Variants in TUNAR observed in about 807,000 individuals in gnomAD.
TUNAR encodes protein TUNAR.
chr14:95,908,413 C>G (rs1033960953), intron 2 of TUNAR, among the ~76,000 whole-genome samples: 11 of 152,200 alleles, frequency 7.2e-5, no homozygotes, highest in Admixed American at 6.5e-4. Context: ...TCTTTCTCAC[C>G]AGGCAACGAT....
intron 2 of TUNAR, among the ~76,000 whole-genome samples, chr14:95,878,167 AACTTCTGAGCCCCAAAC>A (rs1377284833): frequency 2.0e-5 from 3 of 152,240 alleles, no homozygotes; most frequent in African/African-American, 4.8e-5. Context: ...GTGTCAGCAG[AACTTCTGAGCCCCAAAC>A]ACTTCTGAGC....
intron 2 of TUNAR, among the ~76,000 whole-genome samples, chr14:95,914,022 T>C (rs1357088309): frequency 6.6e-6 from 1 of 152,262 alleles, no homozygotes; most frequent in African/African-American, 2.4e-5. Context: ...TGAGCCACCG[T>C]GCCCAGCCCC....
intron 2 of TUNAR, among the ~76,000 whole-genome samples, chr14:95,917,290 T>A (rs1352262442): frequency 6.6e-6 from 1 of 152,250 alleles, no homozygotes; most frequent in Non-Finnish European, 1.5e-5. Context: ...ATTCCAACAC[T>A]GCTCATCAAA....
intron 2 of TUNAR, among the ~76,000 whole-genome samples, chr14:95,920,723 G>T (rs1889684707): frequency 6.6e-6 from 1 of 152,196 alleles, no homozygotes; most frequent in African/African-American, 2.4e-5. Flanking sequence ...TGCACAGGGG[G>T]AGGGCATGCA....
At chr14:95,907,518 CTG>C (rs1482000262) in intron 2 of TUNAR, among the ~76,000 whole-genome samples, 2 of 152,182 alleles carry the variant, frequency 1.3e-5, no homozygotes. Flanking sequence ...CCAGAAATCT[CTG>C]TGGCCAGTGG....
chr14:95,915,950 T>G (rs899061786), intron 2 of TUNAR, among the ~76,000 whole-genome samples: 2 of 152,212 alleles, frequency 1.3e-5, no homozygotes, highest in Non-Finnish European at 2.9e-5. Context: ...GCGGGGCTTC[T>G]TTTGGCATTC....
At chr14:95,900,633 C>T (rs1889338040) in intron 2 of TUNAR, among the ~76,000 whole-genome samples, 1 of 152,206 alleles carries the variant, frequency 6.6e-6, no homozygotes, top group Non-Finnish European at 1.5e-5. Flanking sequence ...CCAGCCAGGG[C>T]AGGAGGTGGG....
Position 95,913,506 on chromosome 14 carries a change from C to T in TUNAR, c.13-9275C>T, listed in dbSNP as rs1201684026. 7.2e-5 allele frequency among the ~76,000 whole-genome samples: 11 copies of T among 152,278 alleles called. No individual in the cohort carries two copies. The East Asian group carries it at 7.7e-4, about 11-fold the overall frequency. On this transcript the variant is annotated intron_variant, in intron 2 of 2. Coordinates refer to ENST00000678517, the Ensembl canonical transcript of TUNAR. The stretch of plus-strand genomic sequence containing the variant: ...AATGCATCAGTGAGTTGTAATCACA[C>T]GAATTTTTCATTCCGCAATTTACTA...
At chr14:95,908,938 G>A (rs148298338) in intron 2 of TUNAR, among the ~76,000 whole-genome samples, 1,595 of 152,270 alleles carry the variant, frequency 0.01, 30 homozygotes, top group African/African-American at 0.036. Flanking sequence ...AGTGGAAGTG[G>A]CAGGTAGGCG....
At chr14:95,898,097 G>A (rs1202795340) in intron 2 of TUNAR, among the ~76,000 whole-genome samples, 1 of 152,112 alleles carries the variant, frequency 6.6e-6, no homozygotes, top group Admixed American at 6.5e-5. Flanking sequence ...GTTTGCTTAA[G>A]TTACCTCCTA....
chr14:95,918,771 C>T (rs1003376633), intron 2 of TUNAR, among the ~76,000 whole-genome samples: 6 of 152,170 alleles, frequency 3.9e-5, no homozygotes, highest in Admixed American at 1.3e-4. Flanking sequence ...CCATGACAGG[C>T]GCTTTGTTTT....
At chr14:95,904,661 C>T (rs568656971) in intron 2 of TUNAR, among the ~76,000 whole-genome samples, 9 of 152,312 alleles carry the variant, frequency 5.9e-5, no homozygotes, top group African/African-American at 2.2e-4. Flanking sequence ...CTGTGGTTCC[C>T]AGAACCCAGG....
chr14:95,921,823 T>A (rs1889702171), intron 2 of TUNAR, among the ~76,000 whole-genome samples: 1 of 152,234 alleles, frequency 6.6e-6, no homozygotes. Flanking sequence ...CCTTTATAAA[T>A]CAAATTGTAC....
intron 2 of TUNAR, among the ~76,000 whole-genome samples, chr14:95,897,906 T>C (rs1889290551): frequency 6.6e-6 from 1 of 152,192 alleles, no homozygotes; most frequent in Non-Finnish European, 1.5e-5. Flanking sequence ...CCTTTTTTCA[T>C]ACCGCCTGTT....
exon 3 of TUNAR, chr14:95,923,350 G>A (rs1189289662): frequency 6.2e-6 from 1 of 161,952 alleles, no homozygotes; most frequent in East Asian, 1.7e-4. Flanking sequence ...GCTCAGATGT[G>A]TGTCTCCCAG....
intron 2 of TUNAR, among the ~76,000 whole-genome samples, chr14:95,894,299 G>A (rs932148836): frequency 1.3e-5 from 2 of 152,198 alleles, no homozygotes; most frequent in African/African-American, 2.4e-5. Context: ...TGATGTTAAC[G>A]AGCTCTCATT....
In TUNAR at chr14:95,895,501, A is replaced by C. The variant is rs1248010477; in HGVS notation, c.12+18324A>C. ...AGAGTTGTCAAATGAGGCAAGCCAA[A>C]ACCCAGGCAGTGGGATGGTCATGTT... On this transcript the variant is annotated intron_variant, in intron 2 of 2. Transcript: ENST00000678517. The surrounding 1 kb of genome is among the most constrained non-coding windows in gnomAD (Gnocchi z 4.5). Among the ~76,000 whole-genome samples, 1 of 152,158 alleles carries C rather than the reference A, an allele frequency of 6.6e-6. No homozygotes were observed. The highest frequency in any genetic ancestry group is 1.5e-5 in the Non-Finnish European group (1 of 68,030).
At chr14:95,923,493 A>G (rs902384113) in exon 3 of TUNAR, 2 of 152,146 alleles carry the variant, frequency 1.3e-5, no homozygotes, top group Non-Finnish European at 1.5e-5. Context: ...TTCTTTTTTC[A>G]TTGGCTTGAC....
intron 1 of TUNAR, 107 bp from the exon 1 acceptor site, chr14:95,876,725 T>C (rs1382526866): frequency 1.3e-5 from 2 of 152,142 alleles, no homozygotes. Context: ...GGCGCCCCGC[T>C]GGGCGCGCAG....
Sources: gnomAD v4.1 joint callset for allele counts (sites outside exome capture counted in the v4.1 genomes callset) on GRCh38, gnomAD v4.1.1 for gene constraint, Gnocchi (gnomAD v3.1) non-coding constraint, MANE v1.5 for transcripts, NCBI Gene and HGNC (gene_info 2026-07-23, HGNC 2026-07-21) for gene names.